The following ARRB1 variants were observed in gnomAD, a reference collection of about 807,000 sequenced individuals.
ARRB1 encodes the protein beta-arrestin-1.
A neutral mutation model predicts 56.8 loss-of-function variants in ARRB1; 21 were observed. The ratio of observed to expected loss-of-function variants is 0.37; its 90% CI spans 0.26 to 0.53. The LOEUF (loss-of-function observed/expected upper bound fraction) is 0.53, where lower values mean the gene tolerates loss of function less well. Ranked by LOEUF, ARRB1 falls within the 20% of genes least tolerant of loss-of-function variation. The pLI is 0.88. For synonymous variants in ARRB1, 210 were observed against 218.6 expected (o/e 0.96, Z 0.35); for missense variants, 424 against 553.7 (o/e 0.77, Z 2.35).
At chr11:75,309,065 A>C (rs1565132191) in intron 1 of ARRB1, among the ~76,000 whole-genome samples, 1 of 152,254 alleles carries the variant, frequency 6.6e-6, no homozygotes, top group Non-Finnish European at 1.5e-5. Context: ...AGTTCAGGGG[A>C]GGCAACGCCC....
intron 1 of ARRB1, among the ~76,000 whole-genome samples, chr11:75,339,661 T>A (rs1215950303): frequency 6.6e-6 from 1 of 152,226 alleles, no homozygotes; most frequent in Admixed American, 6.5e-5. Flanking sequence ...TTGTCCCTGC[T>A]ATAAACAGAT....
At chr11:75,270,807 T>C (rs1256245432) in intron 13 of ARRB1, 1 of 152,030 alleles carries the variant, frequency 6.6e-6, no homozygotes, top group Non-Finnish European at 1.5e-5. Flanking sequence ...GAATAAAAAA[T>C]AAAAATAAAA....
At chr11:75,303,608 G>T (rs1160953805) in intron 1 of ARRB1, 1 of 456,000 alleles carries the variant, frequency 2.2e-6, no homozygotes. Flanking sequence ...CCTGCAGAAG[G>T]TACAGGCCCC....
At chr11:75,344,981 C>T (rs1051409046) in intron 1 of ARRB1, among the ~76,000 whole-genome samples, 1 of 152,194 alleles carries the variant, frequency 6.6e-6, no homozygotes, top group African/African-American at 2.4e-5. Flanking sequence ...TCCTGCCTCC[C>T]GCTGACTCGA....
intron 8 of ARRB1, 96 bp downstream of exon 8, chr11:75,278,513 A>T (rs1236347183): frequency 1.3e-6 from 2 of 1,542,982 alleles, no homozygotes; most frequent in Non-Finnish European, 1.8e-6. Flanking sequence ...AGAAGCTCCT[A>T]CCTGAGGCAT....
rs1327987264 is a variant in ARRB1 at position 75,277,454 on chromosome 11, G to A, written c.619-6C>T. The A allele has an allele frequency of 6.2e-7, 1 of 1,613,944 alleles. No homozygotes were observed. The highest frequency in any genetic ancestry group is 1.1e-5 in the South Asian group (1 of 91,080). On this transcript the variant is annotated splice_region_variant and splice_polypyrimidine_tract_variant and intron_variant, in intron 8 of 15. Transcript: ENST00000420843. ...GGTTCTCCATGGTAATAGATCTGGG[G>A]GGCATAAGAAGGGACGGGGTTGGCT...
At chr11:75,349,839 C>G (rs1026102786) in intron 1 of ARRB1, among the ~76,000 whole-genome samples, 4 of 152,360 alleles carry the variant, frequency 2.6e-5, no homozygotes, top group South Asian at 4.1e-4. Context: ...TGCCGTCCCC[C>G]CCAAAGCCTG....
intron 2 of ARRB1, 22 bp from the exon 3 acceptor site, chr11:75,287,397 G>A (rs753968199): frequency 1.9e-6 from 3 of 1,554,950 alleles, no homozygotes; most frequent in Non-Finnish European, 2.6e-6. Context: ...AGGCATAGGG[G>A]GCGTTAGCAG....
chr11:75,299,253 TA>T (rs1946836072), intron 1 of ARRB1, among the ~76,000 whole-genome samples: 1 of 148,678 alleles, frequency 6.7e-6, no homozygotes, highest in African/African-American at 2.5e-5. Flanking sequence ...AAAAAACAAC[TA>T]AAAAAAGACA....
At chr11:75,278,114 C>T (rs146555132) in intron 8 of ARRB1, among the ~76,000 whole-genome samples, 83 of 152,330 alleles carry the variant, frequency 5.4e-4, no homozygotes, top group African/African-American at 1.9e-3. Context: ...AGCCATGCCC[C>T]GAGAGAGAGG....
At chr11:75,298,851 T>C (rs765411949) in intron 1 of ARRB1, among the ~76,000 whole-genome samples, 3 of 152,002 alleles carry the variant, frequency 2.0e-5, no homozygotes, top group Middle Eastern at 3.4e-3. Flanking sequence ...TACATAGGCA[T>C]AAAATGGGAT....
intron 1 of ARRB1, among the ~76,000 whole-genome samples, chr11:75,305,131 T>G (rs76688928): frequency 0.023 from 3,409 of 148,686 alleles, 54 homozygotes; most frequent in South Asian, 0.036. Context: ...CCTGGGTTCA[T>G]GCAATTCTCG....
intron 1 of ARRB1, among the ~76,000 whole-genome samples, chr11:75,309,893 C>T (rs1419832127): frequency 6.6e-6 from 1 of 152,168 alleles, no homozygotes; most frequent in Non-Finnish European, 1.5e-5. Context: ...CCAGACCATT[C>T]CCCAGACATA....
intron 1 of ARRB1, among the ~76,000 whole-genome samples, chr11:75,341,114 C>A (rs1312426536): frequency 6.6e-6 from 1 of 151,920 alleles, no homozygotes; most frequent in Non-Finnish European, 1.5e-5. Flanking sequence ...CTGAGATCCA[C>A]CCTCAGTCTT....
intron 2 of ARRB1, 81 bp downstream of exon 2, chr11:75,289,928 T>C (rs531222147): frequency 1.9e-5 from 31 of 1,598,368 alleles, no homozygotes; most frequent in Non-Finnish European, 2.7e-5. Context: ...TCAGGGGACA[T>C]GCCGTTTCCT....
intron 10 of ARRB1, among the ~76,000 whole-genome samples, chr11:75,275,121 A>ATTTTATTTTATTTTATTTT (rs1565107703): frequency 3.0e-5 from 1 of 33,832 alleles, no homozygotes; most frequent in Non-Finnish European, 6.5e-5. Context: ...AATTTAATTT[A>ATTTTATTTTATTTTATTTT]AATTTATTTT....
At chr11:75,274,310 A>T (rs1946143335) in intron 10 of ARRB1, 99 bp from the exon 11 acceptor site, 1 of 1,520,182 alleles carries the variant, frequency 6.6e-7, no homozygotes. Context: ...GCCTGCTCCA[A>T]GTCTCCCTCT....
intron 1 of ARRB1, among the ~76,000 whole-genome samples, chr11:75,350,153 A>G (rs1400806942): frequency 6.6e-6 from 1 of 152,256 alleles, no homozygotes; most frequent in African/African-American, 2.4e-5. Context: ...AATCTCTGCA[A>G]GCCCTTTCTC....
At chr11:75,341,083 G>C (rs539867388) in intron 1 of ARRB1, among the ~76,000 whole-genome samples, 19 of 151,912 alleles carry the variant, frequency 1.3e-4, no homozygotes, top group Non-Finnish European at 2.4e-4. Flanking sequence ...AGGAGGAAGG[G>C]GACATGGGAG....
Sources: gnomAD v4.1 joint callset for allele counts (sites outside exome capture counted in the v4.1 genomes callset) on GRCh38, gnomAD v4.1.1 for gene constraint, MANE v1.5 for transcripts, NCBI Gene and HGNC (gene_info 2026-07-23, HGNC 2026-07-21) for gene names.